The following EPGN variants were observed in gnomAD, a reference collection of about 807,000 sequenced individuals.
The protein encoded by EPGN is epithelial mitogen, also known as epigen.
EPGN carries 21 observed loss-of-function variants against 20.7 expected under a neutral mutation model. The ratio of observed to expected loss-of-function variants is 1.01; its 90% CI spans 0.72 to 1.46. The LOEUF is 1.46. Ranked by LOEUF, EPGN falls within the 40% of genes most tolerant of loss-of-function variation. The pLI is 0.00. For missense variants in EPGN, 199 were observed against 180.7 expected, an observed-to-expected ratio of 1.10 and a Z score of -0.58; for synonymous variants, 69 against 63.8, an observed-to-expected ratio of 1.08 and a Z score of -0.39.
chr4:74,311,952 G>GA (rs1750981987), intron 2 of EPGN, among the ~76,000 whole-genome samples: 1 of 152,072 alleles, frequency 6.6e-6, no homozygotes, highest in Admixed American at 6.6e-5. Flanking sequence ...TCTAAAAAGT[G>GA]AAACAATCAT....
At position 74,314,167 on chromosome 4, in the gene EPGN, C is replaced by T. The variant is rs145376862; in HGVS notation, c.408-413C>T. The T allele has an allele frequency of 2.5e-3, 1,141 of 460,430 alleles. 10 individuals carry two copies. Among genetic ancestry groups the T allele is most frequent in the African/African-American group, 0.02 (1,031 of 50,384 alleles). 28.5% of individuals were successfully genotyped at this position (460,430 alleles called of 1,614,324 possible). On this transcript the variant is annotated intron_variant, in intron 4 of 4. Coordinates refer to ENST00000413830, the MANE Select transcript of EPGN (RefSeq NM_001270989.2). ...TAAAGTAAGGAAAGCAGATGGAGCA[C>T]AAGAAGAAGCTAAGCAAAGATGTGG...
intron 3 of EPGN, among the ~76,000 whole-genome samples, chr4:74,312,705 T>A (rs1751039583): frequency 6.6e-6 from 1 of 152,198 alleles, no homozygotes; most frequent in Non-Finnish European, 1.5e-5. Flanking sequence ...CTAGAGCAAC[T>A]AAGATACTAT....
chr4:74,308,884 A>T lies in EPGN; in HGVS notation c.44-209A>T, dbSNP rs549460257. Among the ~76,000 whole-genome samples, 15 of 152,340 alleles carry T rather than the reference A, an allele frequency of 9.8e-5. No homozygotes were observed. In the South Asian group the frequency reaches 2.7e-3, roughly 27 times the overall value. On this transcript the variant is annotated intron_variant, in intron 1 of 4. Coordinates refer to ENST00000413830, the MANE Select transcript of EPGN (RefSeq NM_001270989.2). Reference sequence around the variant, plus strand: ...TATGTAAATGTATCAATGGTCTTAAATATTGGGTTTTTATTTGCTTTAATC... The same window carrying T: ...TATGTAAATGTATCAATGGTCTTAATTATTGGGTTTTTATTTGCTTTAATC...
In EPGN at chr4:74,316,543, A is replaced by C. The variant is rs1751286745; in HGVS notation, c.*1906A>C. On this transcript the variant is annotated 3_prime_UTR_variant, in exon 5 of 5. Transcript: ENST00000413830. ...TTGTTTTGTTTTTCCTTCAGAAGGA[A>C]TTTAATGCAAACGGATTGCAGTCAG... 6.6e-6 allele frequency among the ~76,000 whole-genome samples: 1 copy of C among 152,236 alleles called. No homozygotes were observed. Among genetic ancestry groups the C allele is most frequent in the African/African-American group, 2.4e-5 (1 of 41,462 alleles).
intron 2 of EPGN, among the ~76,000 whole-genome samples, chr4:74,309,586 A>G (rs1750763616): frequency 7.2e-6 from 1 of 139,854 alleles, no homozygotes; most frequent in African/African-American, 3.3e-5. Flanking sequence ...TACAAGATGA[A>G]CAGCACTTTC....
At chr4:74,312,755 A>G (rs1426702662) in intron 3 of EPGN, among the ~76,000 whole-genome samples, 1 of 152,218 alleles carries the variant, frequency 6.6e-6, no homozygotes, top group Non-Finnish European at 1.5e-5. Flanking sequence ...CCTATGGAAG[A>G]ATAGGCTAAT....
intron 3 of EPGN, 143 bp from the exon 4 acceptor site, chr4:74,312,875 G>T: frequency 1.5e-6 from 1 of 689,256 alleles, no homozygotes; most frequent in African/African-American, 1.9e-5. Flanking sequence ...TTCATTGCCC[G>T]TAACAGATTG....
intron 2 of EPGN, among the ~76,000 whole-genome samples, chr4:74,311,465 C>G (rs984304318): frequency 6.6e-5 from 10 of 151,974 alleles, no homozygotes; most frequent in Non-Finnish European, 1.3e-4. Flanking sequence ...ACTGTTTTTT[C>G]CCTACAAACA....
Position 74,316,733 on chromosome 4 carries a change from A to C in EPGN, c.*2096A>C, listed in dbSNP as rs1371355386. Among the ~76,000 whole-genome samples the C allele has an allele frequency of 2.0e-5, 3 of 152,212 alleles. No individual in the cohort carries two copies. The highest frequency in any genetic ancestry group is 4.4e-5 in the Non-Finnish European group (3 of 68,042). ...AAAGAGCTGGGGAGAGTATGGGAAG[A>C]AACAATACAGGATTGCCTTTAATTA... On this transcript the variant is annotated 3_prime_UTR_variant, in exon 5 of 5. Coordinates refer to ENST00000413830, the MANE Select transcript of EPGN (RefSeq NM_001270989.2).
At chr4:74,313,708 T>TTGTGA in intron 4 of EPGN, 1 of 801,712 alleles carries the variant, frequency 1.2e-6, no homozygotes, top group Non-Finnish European at 1.5e-6. Flanking sequence ...TTGTAATTAT[T>TTGTGA]TACATATTCA....
At chr4:74,311,517 C>T (rs1430400798) in intron 2 of EPGN, among the ~76,000 whole-genome samples, 2 of 151,866 alleles carry the variant, frequency 1.3e-5, no homozygotes, top group Non-Finnish European at 2.9e-5. Flanking sequence ...TATGGTATAC[C>T]TTTATCATAA....
Position 74,312,222 on chromosome 4 carries a change from A to T in EPGN, c.171A>T (p.Ser57=). 1 of 1,613,104 alleles carries T rather than the reference A, an allele frequency of 6.2e-7. No individual in the cohort carries two copies. Among genetic ancestry groups the T allele is most frequent in the Non-Finnish European group, 8.5e-7 (1 of 1,179,466 alleles). ...NIEGPIALKF[S]HLCLEDHNSY... ...AAGGACCCATAGCCTTGAAGTTCTC[A>T]CACCTTTGCCTGGAAGATCATAACA... The change falls in exon 3 of 5, where the codon TCA becomes TCT. Residue 57 remains serine (S), a synonymous_variant. Coordinates refer to ENST00000413830, the MANE Select transcript of EPGN (RefSeq NM_001270989.2).
At chr4:74,311,461 T>C (rs1750943964) in intron 2 of EPGN, among the ~76,000 whole-genome samples, 1 of 152,186 alleles carries the variant, frequency 6.6e-6, no homozygotes. Flanking sequence ...TAAAACTGTT[T>C]TTTCCCTACA....
chr4:74,312,647 G>A (rs1029495639), intron 3 of EPGN, among the ~76,000 whole-genome samples: 1 of 152,124 alleles, frequency 6.6e-6, no homozygotes, highest in Non-Finnish European at 1.5e-5. Flanking sequence ...TTGTTTTCAG[G>A]ATGAAATGAA....
Position 74,312,793 on chromosome 4 carries a change from ATAC to A in EPGN, c.255-221_255-219del, listed in dbSNP as rs1334624734. On this transcript the variant is annotated intron_variant, in intron 3 of 4. Coordinates refer to ENST00000413830, the MANE Select transcript of EPGN (RefSeq NM_001270989.2). ...TTTTTCTAGAGTAAATTATGCAAGC[ATAC>A]TACCTTTTCCCTCTACTAATGAAGG... 5.9e-5 allele frequency among the ~76,000 whole-genome samples: 9 copies of A among 152,216 alleles called. No homozygotes were observed. The East Asian group carries it at 1.7e-3, about 29-fold the overall frequency.
intron 4 of EPGN, among the ~76,000 whole-genome samples, chr4:74,313,940 A>G (rs1326055219): frequency 1.3e-5 from 2 of 152,188 alleles, no homozygotes; most frequent in Non-Finnish European, 2.9e-5. Flanking sequence ...AATCAAATCT[A>G]TATTATATCA....
At chr4:74,308,705 T>C (rs1401718662) in intron 1 of EPGN, 129 bp downstream of exon 1, 1 of 739,628 alleles carries the variant, frequency 1.4e-6, no homozygotes, top group African/African-American at 1.8e-5. Context: ...GAGTAATGAA[T>C]CTGTGGATTA....
intron 2 of EPGN, 58 bp downstream of exon 2, chr4:74,309,240 T>G (rs1462239003): frequency 6.8e-7 from 1 of 1,479,258 alleles, no homozygotes; most frequent in African/African-American, 1.4e-5. Flanking sequence ...GGAGAGAAAT[T>G]TGGATTGTGA....
chr4:74,313,156 C>T lies in EPGN; in HGVS notation c.393C>T (p.Cys131=). Residue 131 remains cysteine, a synonymous_variant, in exon 4 of 5, where the codon TGC becomes TGT. Coordinates refer to ENST00000413830, the MANE Select transcript of EPGN (RefSeq NM_001270989.2). ...LLSGFLVIFY[C]YIRKRCLKLK... is the part of the protein sequence containing the mutation. ...GTGGTTTTCTTGTTATTTTTTACTG[C>T]TATATAAGAAAGAGGTATGAAAAAG... 6.2e-7 allele frequency: 1 copy of T among 1,610,064 alleles called. No homozygotes were observed. The highest frequency in any genetic ancestry group is 8.5e-7 in the Non-Finnish European group (1 of 1,178,902).
Sources: allele counts gnomAD v4.1 joint callset (sites outside exome capture counted in the v4.1 genomes callset), GRCh38; gene constraint gnomAD v4.1.1; transcripts MANE v1.5; gene names NCBI Gene and HGNC (gene_info 2026-07-23, HGNC 2026-07-21).